ADGRB2: variants seen among roughly 807,000 people sequenced by gnomAD.
ADGRB2 encodes the protein adhesion G protein-coupled receptor B2.
ADGRB2 carries 47 observed loss-of-function variants against 178.7 expected under a neutral mutation model. The ratio of observed to expected loss-of-function variants is 0.26; its 90% CI spans 0.21 to 0.34. The LOEUF (loss-of-function observed/expected upper bound fraction) is 0.34, where lower values mean the gene tolerates loss of function less well. Ranked by LOEUF, ADGRB2 falls within the 10% of genes least tolerant of loss-of-function variation. The pLI is 1.00. For missense variants in ADGRB2, 1,584 were observed against 2,180.8 expected (o/e 0.73, Z 5.45); for synonymous variants, 870 against 912.4 (o/e 0.95, Z 0.84).
Position 31,731,380 on chromosome 1 carries a change from ATGG to A in ADGRB2, c.3797_3799del (p.Thr1266del). 6.2e-7 allele frequency: 1 copy of A among 1,610,736 alleles called. No homozygotes were observed. The highest frequency in any genetic ancestry group is 8.5e-7 in the Non-Finnish European group (1 of 1,178,734). On this transcript the variant is annotated inframe_deletion, in exon 29 of 33. Transcript: ENST00000373658. ...GGACAGGCGGGATAGTGTGCCCGTG[ATGG>A]TGGACGGGTTGCAAGTGTTGACCTC...
rs1025772576 is a variant in ADGRB2 at position 31,728,476 on chromosome 1, C to T, written c.4416+122G>A. ...ATCATGGGAAGATCCCACGGAACCC[C>T]CGGGCTTGGGCTCCTGGGGTCAGGC... On this transcript the variant is annotated intron_variant, in intron 30 of 32. Transcript: ENST00000373658. This position sits in a 1 kb window ranked among gnomAD's most constrained non-coding sequence, Gnocchi z 6.7. 1.7e-5 allele frequency: 26 copies of T among 1,496,540 alleles called. No homozygotes were observed. Among genetic ancestry groups the T allele is most frequent in the Non-Finnish European group, 2.3e-5 (25 of 1,075,480 alleles). The allele number at this position is 1,496,540 out of a possible 1,614,324, so 92.7% of individuals were successfully genotyped here. A position where few individuals can be genotyped will look rare whatever the true frequency, so the allele number is the denominator to read the frequency against.
At chr1:31,750,264 G>C (rs1261853709) in intron 4 of ADGRB2, among the ~76,000 whole-genome samples, 2 of 152,110 alleles carry the variant, frequency 1.3e-5, no homozygotes, top group African/African-American at 4.8e-5. Context: ...TCCCTCCTGT[G>C]GTCCCTGAGG....
At position 31,756,820 on chromosome 1, in the gene ADGRB2, G is replaced by GGA. The variant is rs1646858961; in HGVS notation, c.22-7_22-6dup. 6.8e-7 allele frequency: 1 copy of GGA among 1,459,978 alleles called. No homozygotes were observed. The highest frequency in any genetic ancestry group is 2.8e-5 in the Admixed American group (1 of 36,320). 90.4% of individuals were successfully genotyped at this position (1,459,978 alleles called of 1,614,324 possible). A position where few individuals can be genotyped will look rare whatever the true frequency, so the allele number is the denominator to read the frequency against. ...GGTCATCCTATGTCCCTTGCCCTGT[G>GGA]GAGAGAGACAGTGGTCAGCGGGCCC... On this transcript the variant is annotated splice_polypyrimidine_tract_variant and splice_region_variant and intron_variant, in intron 3 of 32. Coordinates refer to ENST00000373658, the MANE Select transcript of ADGRB2 (RefSeq NM_001364857.2). The surrounding 1 kb of genome is among the most constrained non-coding windows in gnomAD (Gnocchi z 8.5).
chr1:31,737,012 T>G (rs916413936), intron 20 of ADGRB2, among the ~76,000 whole-genome samples: 2 of 152,140 alleles, frequency 1.3e-5, no homozygotes, highest in Non-Finnish European at 1.5e-5. Context: ...ACGTCACAGC[T>G]GGGCAGGCCC....
rs374423146 is a variant in ADGRB2, at chr1:31,730,990, C to T, written c.4190G>A (p.Ser1397Asn). 5 of 1,566,508 alleles carry T rather than the reference C, an allele frequency of 3.2e-6. No homozygotes were observed. Among genetic ancestry groups the T allele is most frequent in the Non-Finnish European group, 4.3e-6 (5 of 1,152,750 alleles). The change falls in exon 29 of 33, where the codon AGC becomes AAC. Residue 1397 changes from serine (S) to asparagine (N), a missense_variant. Around this residue, in one of 3 missense-constraint regions of ADGRB2, gnomAD observed 865 missense variants for 1,192.8 expected, o/e 0.73. Transcript: ENST00000373658. Reference protein sequence around the residue: ...KTVAHTEGYPSFLSVDHSGLG... With the variant: ...KTVAHTEGYPNFLSVDHSGLG... ...GCCCGAGTGGTCCACGGACAGGAAG[C>T]TGGGGTAGCCTTCAGTGTGGGCCAC...
chr1:31,741,390 G>A lies in ADGRB2; in HGVS notation c.1777C>T (p.Arg593Cys), dbSNP rs1173930520. Residue 593 changes from arginine (R) to cysteine (C), a missense_variant, in exon 11 of 33, where the codon CGC becomes TGC. Physicochemically the swap from Arg to Cys is radical, Grantham distance 180 (BLOSUM62 -3). Transcript: ENST00000373658. This position sits in a 1 kb window ranked among gnomAD's most constrained non-coding sequence, Gnocchi z 6.5. ...SFARCISHEY[R>C]YLYLSLREHL... ...GCACTCACTGACAGATACAGGTAGC[G>A]GTACTCATGGGAGATGCAGCGAGCA... 3.7e-6 allele frequency: 6 copies of A among 1,604,220 alleles called. No individual in the cohort carries two copies. The highest frequency in any genetic ancestry group is 2.7e-5 in the African/African-American group (2 of 74,850).
rs755251501 is a variant in ADGRB2, at chr1:31,757,259, G to C, written c.-38C>G. ...CCATCCCCGTGTGTCGTGATCAGCT[G>C]TGAGGCATGTCACCGCGTAATCCTG... On this transcript the variant is annotated 5_prime_UTR_variant, in exon 3 of 33. Transcript: ENST00000373658. 1 of 1,613,468 alleles carries C rather than the reference G, an allele frequency of 6.2e-7. No homozygotes were observed. Among genetic ancestry groups the C allele is most frequent in the Non-Finnish European group, 8.5e-7 (1 of 1,179,390 alleles).
At position 31,764,112 on chromosome 1, in the gene ADGRB2, CCGCCGCCGCCGCCGCCTCCTTGCCG is replaced by C; in HGVS notation, c.-444_-420del. 2.2e-6 allele frequency: 2 copies of C among 907,382 alleles called. No individual in the cohort carries two copies. Among genetic ancestry groups the C allele is most frequent in the Non-Finnish European group, 2.6e-6 (2 of 763,226 alleles). The allele number at this position is 907,382 out of a possible 1,614,324, so 56.2% of individuals were successfully genotyped here. On this transcript the variant is annotated 5_prime_UTR_variant, in exon 1 of 33. Coordinates refer to ENST00000373658, the MANE Select transcript of ADGRB2 (RefSeq NM_001364857.2). This position sits in a 1 kb window ranked among gnomAD's most constrained non-coding sequence, Gnocchi z 7.3. ...CCGGGCCGGGCGCGGGCTCCTGCCGCCGCCGCCGCCGCCGCCTCCTTGCCGCGCCGCCCCCCGCTCCCCCGCTCCC... is the reference window on the plus strand; with the variant it reads ...CCGGGCCGGGCGCGGGCTCCTGCCGCCGCCGCCCCCCGCTCCCCCGCTCCC...
At position 31,727,959 on chromosome 1, in the gene ADGRB2, C is replaced by A; in HGVS notation, c.4572+66G>T. On this transcript the variant is annotated intron_variant, in intron 32 of 32. Coordinates refer to ENST00000373658, the MANE Select transcript of ADGRB2 (RefSeq NM_001364857.2). This position sits in a 1 kb window ranked among gnomAD's most constrained non-coding sequence, Gnocchi z 4.4. ...ACAGGCTGGGGTTGCCTGGGAGGGG[C>A]AGGAGGGCAGGGAGGGCACGGGTCC... 2.0e-6 allele frequency: 3 copies of A among 1,497,196 alleles called. No homozygotes were observed. The highest frequency in any genetic ancestry group is 1.3e-5 in the South Asian group (1 of 78,688). 92.7% of individuals were successfully genotyped at this position (1,497,196 alleles called of 1,614,324 possible).
In ADGRB2 at chr1:31,756,954, C is replaced by G. The variant is rs569553115; in HGVS notation, c.22-139G>C. ...TGTCACCTGGGTCCACCTGTGTGAA[C>G]TTAGACAAGGGACTTGACCTCTCTG... On this transcript the variant is annotated intron_variant, in intron 3 of 32. Coordinates refer to ENST00000373658, the MANE Select transcript of ADGRB2 (RefSeq NM_001364857.2). The surrounding 1 kb of genome is among the most constrained non-coding windows in gnomAD (Gnocchi z 8.5). 9.9e-5 allele frequency: 109 copies of G among 1,106,074 alleles called. 1 individual carries two copies. In the South Asian group the frequency reaches 1.4e-3, roughly 15 times the overall value. 68.5% of individuals were successfully genotyped at this position (1,106,074 alleles called of 1,614,324 possible).
chr1:31,739,185 G>A, intron 15 of ADGRB2, 123 bp downstream of exon 15: 1 of 1,109,876 alleles, frequency 9.0e-7, no homozygotes, highest in Non-Finnish European at 1.3e-6. Context: ...CAGGCAAGGG[G>A]TTCCTGAAGG....
intron 15 of ADGRB2, 59 bp downstream of exon 15, chr1:31,739,249 C>T: frequency 1.4e-6 from 2 of 1,419,912 alleles, no homozygotes; most frequent in Non-Finnish European, 9.3e-7. Context: ...AGTCCTCCTT[C>T]CCTTACCTGG....
At position 31,764,137 on chromosome 1, in the gene ADGRB2, G is replaced by T. The variant is rs1647133489; in HGVS notation, c.-444C>A. On this transcript the variant is annotated 5_prime_UTR_variant, in exon 1 of 33. Transcript: ENST00000373658. This position sits in a 1 kb window ranked among gnomAD's most constrained non-coding sequence, Gnocchi z 7.3. ...CCGCCGCCGCCGCCGCCTCCTTGCC[G>T]CGCCGCCCCCCGCTCCCCCGCTCCC... 1.2e-6 allele frequency: 1 copy of T among 809,548 alleles called. No individual in the cohort carries two copies. Among genetic ancestry groups the T allele is most frequent in the Non-Finnish European group, 1.5e-6 (1 of 673,704 alleles). The allele number at this position is 809,548 out of a possible 1,614,324, so 50.1% of individuals were successfully genotyped here. A position where few individuals can be genotyped will look rare whatever the true frequency, so the allele number is the denominator to read the frequency against.
At chr1:31,736,448 C>G (rs1004296320) in intron 21 of ADGRB2, 58 bp from the exon 22 acceptor site, 10 of 1,606,558 alleles carry the variant, frequency 6.2e-6, no homozygotes, top group African/African-American at 2.7e-5. Flanking sequence ...ACCCCTTGTT[C>G]TCCCAGACTC....
At position 31,757,425 on chromosome 1, in the gene ADGRB2, T is replaced by C. The variant is rs1171216805; in HGVS notation, c.-104A>G. ...GAGAAAGGGGCGGAGTTACAGCCAG[T>C]GTGCCAGGAACTGCGCACAACCTGA... On this transcript the variant is annotated 5_prime_UTR_variant, in exon 2 of 33. Coordinates refer to ENST00000373658, the MANE Select transcript of ADGRB2 (RefSeq NM_001364857.2). 13 of 685,886 alleles carry C rather than the reference T, an allele frequency of 1.9e-5. No individual in the cohort carries two copies. Among genetic ancestry groups the C allele is most frequent in the East Asian group, 5.5e-5 (2 of 36,354 alleles). The allele number at this position is 685,886 out of a possible 1,614,324, so 42.5% of individuals were successfully genotyped here.
At chr1:31,732,191 A>G in intron 27 of ADGRB2, 37 bp from the exon 28 acceptor site, 1 of 1,613,628 alleles carries the variant, frequency 6.2e-7, no homozygotes, top group Admixed American at 1.7e-5. Context: ...GGGCAGAGGG[A>G]GGATTAATGT....
chr1:31,729,613 C>T (rs1347375586), intron 29 of ADGRB2, among the ~76,000 whole-genome samples: 1 of 152,244 alleles, frequency 6.6e-6, no homozygotes, highest in Non-Finnish European at 1.5e-5. Context: ...GCAGCTCACA[C>T]CAATGGAATA....
rs1491386800 is a variant in ADGRB2 at position 31,740,887 on chromosome 1, G to GCA, written c.1795-347_1795-346insTG. Among the ~76,000 whole-genome samples, 5 of 50,202 alleles carry GCA rather than the reference G, an allele frequency of 1.0e-4. No homozygotes were observed. The highest frequency in any genetic ancestry group is 1.9e-4 in the Non-Finnish European group (4 of 21,436). The allele number at this position is 50,202 out of a possible 152,430, so 32.9% of individuals were successfully genotyped here. ...TGGAGTGTAATGAGCATGTGTGTGG[G>GCA]CGCGCGCGCACACACACACACACAC... On this transcript the variant is annotated intron_variant, in intron 11 of 32. Coordinates refer to ENST00000373658, the MANE Select transcript of ADGRB2 (RefSeq NM_001364857.2). This position sits in a 1 kb window ranked among gnomAD's most constrained non-coding sequence, Gnocchi z 5.9.
intron 28 of ADGRB2, 92 bp from the exon 29 acceptor site, chr1:31,731,511 C>A (rs1645282940): frequency 2.7e-6 from 4 of 1,457,312 alleles, no homozygotes; most frequent in Non-Finnish European, 3.7e-6. Context: ...CAAGCTTCTG[C>A]GCTTGGACAG....
Sources: allele counts gnomAD v4.1 joint callset (sites outside exome capture counted in the v4.1 genomes callset), GRCh38; gene constraint gnomAD v4.1.1; regional missense constraint gnomAD v4.1.1; non-coding constraint Gnocchi (gnomAD v3.1); transcripts MANE v1.5; gene names NCBI Gene and HGNC (gene_info 2026-07-23, HGNC 2026-07-21).